IPPK: variants seen among roughly 807,000 people sequenced by gnomAD.
The protein encoded by IPPK is inositol-pentakisphosphate 2-kinase.
Under a neutral mutation model 64.6 loss-of-function variants are expected in IPPK, and 22 were observed. The ratio of observed to expected loss-of-function variants is 0.34; its 90% CI spans 0.24 to 0.49. The LOEUF is 0.49. Among genes scored for constraint, IPPK ranks in the 20% least tolerant of loss-of-function variants. The pLI is 0.99. For synonymous variants in IPPK, 262 were observed against 247.2 expected (o/e 1.06, Z -0.56); for missense variants, 532 against 630.7 (o/e 0.84, Z 1.68).
At chr9:92,648,684 C>A (rs751414228) in intron 5 of IPPK, among the ~76,000 whole-genome samples, 33 of 152,312 alleles carry the variant, frequency 2.2e-4, no homozygotes, top group Admixed American at 4.6e-4. Context: ...AGCAGAACAT[C>A]CACCCACAAG....
chr9:92,639,597 A>G (rs890596713), intron 8 of IPPK, among the ~76,000 whole-genome samples: 7 of 152,210 alleles, frequency 4.6e-5, no homozygotes, highest in African/African-American at 1.7e-4. Flanking sequence ...CCAGAGTTCC[A>G]GAGACATTAG....
intron 12 of IPPK, chr9:92,617,768 G>C (rs971812178): frequency 2.9e-5 from 5 of 174,782 alleles, no homozygotes; most frequent in Admixed American, 2.8e-4. Flanking sequence ...GTCGAGAGGA[G>C]CATCAGGGTT....
chr9:92,617,647 C>G (rs778369962), intron 12 of IPPK: 1 of 154,518 alleles, frequency 6.5e-6, no homozygotes, highest in African/African-American at 2.4e-5. Flanking sequence ...CCTGGAAGGC[C>G]GTTCTCCAGG....
intron 11 of IPPK, among the ~76,000 whole-genome samples, chr9:92,628,750 G>A (rs1851777847): frequency 6.6e-6 from 1 of 152,136 alleles, no homozygotes. Flanking sequence ...GGTGGCACAT[G>A]CCTGTAGTCC....
In IPPK at chr9:92,635,202, C is replaced by G. The variant is rs139819180; in HGVS notation, c.1023G>C (p.Leu341=). Residue 341 remains leucine, a synonymous_variant, in exon 10 of 13, where the codon CTG becomes CTC. Coordinates refer to ENST00000287996, the MANE Select transcript of IPPK (RefSeq NM_022755.6). The surrounding 1 kb of genome is among the most constrained non-coding windows in gnomAD (Gnocchi z 4.4). ...CCAGGTATCGCTCAACCCGGTTGTA[C>G]AGAGGGTAGAGGCCTTCGATGTCCA... ...DLLDIEGLYP[L]YNRVERYLEE... 1 of 1,614,002 alleles carries G rather than the reference C, an allele frequency of 6.2e-7. No individual in the cohort carries two copies. Among genetic ancestry groups the G allele is most frequent in the Non-Finnish European group, 8.5e-7 (1 of 1,179,910 alleles).
chr9:92,616,112 C>T, intron 12 of IPPK, 55 bp from the exon 13 acceptor site: 2 of 1,233,280 alleles, frequency 1.6e-6, no homozygotes, highest in Non-Finnish European at 1.2e-6. Context: ...CATTTCCCTC[C>T]CTCCCGTTCT....
chr9:92,638,991 C>T (rs1399173593), intron 8 of IPPK, among the ~76,000 whole-genome samples: 5 of 152,230 alleles, frequency 3.3e-5, no homozygotes, highest in African/African-American at 1.2e-4. Flanking sequence ...AGGCCCCTGA[C>T]AGCGGCCAAC....
chr9:92,662,334 C>T (rs548184636), intron 1 of IPPK, among the ~76,000 whole-genome samples: 180 of 152,102 alleles, frequency 1.2e-3, no homozygotes, highest in African/African-American at 4.1e-3. Context: ...GAGACCAGCC[C>T]GACCAACATG....
intron 11 of IPPK, among the ~76,000 whole-genome samples, chr9:92,621,068 G>GA (rs1344942952): frequency 6.6e-6 from 1 of 152,178 alleles, no homozygotes; most frequent in Non-Finnish European, 1.5e-5. Flanking sequence ...TTCACATGGT[G>GA]AAAGGGGCTG....
At chr9:92,648,615 A>G (rs7856147) in intron 5 of IPPK, among the ~76,000 whole-genome samples, 27,704 of 152,192 alleles carry the variant, frequency 0.18, 3,775 homozygotes, top group East Asian at 0.73. Context: ...GCAGCCTCTG[A>G]GCATACACCA....
intron 2 of IPPK, 24 bp from the exon 3 acceptor site, chr9:92,656,575 GC>G (rs781147232): frequency 1.3e-6 from 2 of 1,509,676 alleles, no homozygotes; most frequent in Admixed American, 3.3e-5. Flanking sequence ...CCACAGGACA[GC>G]CTTCGTGATG....
chr9:92,649,547 G>T lies in IPPK; in HGVS notation c.320C>A (p.Thr107Asn). 1 of 1,614,130 alleles carries T rather than the reference G, an allele frequency of 6.2e-7. No homozygotes were observed. Among genetic ancestry groups the T allele is most frequent in the Non-Finnish European group, 8.5e-7 (1 of 1,179,994 alleles). ...PESRCDKDLD[T>N]LSGYAMCLPN... ...AAGGCACATAGCGTAACCACTGAGA[G>T]TATCCAGGTCCTTGTCACAGCGAGA... Residue 107 changes from threonine (T) to asparagine (N), a missense_variant, in exon 5 of 13, where the codon ACT becomes AAT. Physicochemically the swap from Thr to Asn is moderately conservative, Grantham distance 65 (BLOSUM62 0). Transcript: ENST00000287996.
chr9:92,633,432 G>A lies in IPPK; in HGVS notation c.1170+954C>T, dbSNP rs549416162. On this transcript the variant is annotated intron_variant, in intron 11 of 12. Transcript: ENST00000287996. ...TCTGTCACCCAGGCTGGAGCACAGC[G>A]GTATGATCACAGTTCCCCGCAGCCT... Among the ~76,000 whole-genome samples the A allele has an allele frequency of 5.8e-4, 88 of 151,898 alleles. 1 individual carries two copies. In the Middle Eastern group the frequency reaches 0.014, roughly 23 times the overall value.
Position 92,615,779 on chromosome 9 carries a change from A to C in IPPK, c.*53T>G. 4 of 1,401,876 alleles carry C rather than the reference A, an allele frequency of 2.9e-6. No individual in the cohort carries two copies. Among genetic ancestry groups the C allele is most frequent in the Non-Finnish European group, 4.0e-6 (4 of 991,416 alleles). 86.8% of individuals were successfully genotyped at this position (1,401,876 alleles called of 1,614,324 possible). A position where few individuals can be genotyped will look rare whatever the true frequency, so the allele number is the denominator to read the frequency against. On this transcript the variant is annotated 3_prime_UTR_variant, in exon 13 of 13. Transcript: ENST00000287996. ...ACCCAACACAACAGAAAATATCTCT[A>C]TCATTCAGCCTTCACATTATGTTCA...
rs1029842777 is a variant in IPPK at position 92,667,034 on chromosome 9, G to A, written c.81+2874C>T. ...CCTAGGCCCTCGGCTCCTGCAGGACGAGCTCAGGCTGGCTGAAGGCGCATC... is the reference window on the plus strand; with the variant it reads ...CCTAGGCCCTCGGCTCCTGCAGGACAAGCTCAGGCTGGCTGAAGGCGCATC... On this transcript the variant is annotated intron_variant, in intron 1 of 12. Coordinates refer to ENST00000287996, the MANE Select transcript of IPPK (RefSeq NM_022755.6). 2.0e-5 allele frequency among the ~76,000 whole-genome samples: 3 copies of A among 152,208 alleles called. No individual in the cohort carries two copies. The South Asian group carries it at 6.2e-4, about 32-fold the overall frequency.
At chr9:92,627,355 CTA>C (rs1175509278) in intron 11 of IPPK, among the ~76,000 whole-genome samples, 1 of 152,196 alleles carries the variant, frequency 6.6e-6, no homozygotes, top group East Asian at 1.9e-4. Context: ...CCAACTCATT[CTA>C]TGAGGCCAGT....
intron 6 of IPPK, among the ~76,000 whole-genome samples, chr9:92,643,189 T>C (rs1294048891): frequency 6.6e-6 from 1 of 152,268 alleles, no homozygotes; most frequent in Non-Finnish European, 1.5e-5. Flanking sequence ...AAATTTCATA[T>C]TGCCAGTGGG....
chr9:92,629,401 A>C (rs1262622860), intron 11 of IPPK, among the ~76,000 whole-genome samples: 1 of 152,228 alleles, frequency 6.6e-6, no homozygotes, highest in Non-Finnish European at 1.5e-5. Context: ...GTATCTGATA[A>C]GGGTCTAGTA....
At chr9:92,658,559 T>G in intron 2 of IPPK, 75 bp downstream of exon 2, 1 of 1,241,944 alleles carries the variant, frequency 8.1e-7, no homozygotes, top group Non-Finnish European at 1.2e-6. Flanking sequence ...GCATCAATGT[T>G]TCTACATCGG....
Sources: allele counts gnomAD v4.1 joint callset (sites outside exome capture counted in the v4.1 genomes callset), GRCh38; gene constraint gnomAD v4.1.1; non-coding constraint Gnocchi (gnomAD v3.1); transcripts MANE v1.5; gene names NCBI Gene and HGNC (gene_info 2026-07-23, HGNC 2026-07-21).